GATAD1: variants seen among roughly 807,000 people sequenced by gnomAD.
GATAD1 encodes the protein GATA zinc finger domain containing 1.
GATAD1 carries 12 observed loss-of-function variants against 26.5 expected under a neutral mutation model. The observed-to-expected ratio is 0.45, with a 90% CI of 0.29 to 0.73. GATAD1 has a LOEUF of 0.73. Among genes scored for constraint, GATAD1 ranks in the 30% least tolerant of loss-of-function variants. GATAD1 has a pLI of 0.10. For missense variants in GATAD1, 266 were observed against 342.1 expected (o/e 0.78, Z 1.75); for synonymous variants, 129 against 133.1 (o/e 0.97, Z 0.21).
the GATAD1 span, among the ~76,000 whole-genome samples, chr7:92,484,872 C>T: frequency 1.3e-5 from 2 of 152,108 alleles, no homozygotes; most frequent in Non-Finnish European, 1.5e-5. Context: ...GAGAGTCCAC[C>T]AAACAGGCTT....
chr7:92,495,459 G>A, the GATAD1 span, among the ~76,000 whole-genome samples: 1 of 152,136 alleles, frequency 6.6e-6, no homozygotes, highest in Non-Finnish European at 1.5e-5. Flanking sequence ...TTTGATTTGT[G>A]TAAAGACTTC....
At chr7:92,491,575 ATAGC>A in the GATAD1 span, 1 of 873,276 alleles carries the variant, frequency 1.1e-6, no homozygotes, top group Non-Finnish European at 1.9e-6. Context: ...AATAACATAG[ATAGC>A]ATTCTATTAG....
At chr7:92,495,409 G>A in the GATAD1 span, among the ~76,000 whole-genome samples, 1 of 152,074 alleles carries the variant, frequency 6.6e-6, no homozygotes, top group Non-Finnish European at 1.5e-5. Flanking sequence ...TCTGCTACTT[G>A]AATGTTTGGC....
the GATAD1 span, chr7:92,471,108 A>G: frequency 1.2e-5 from 2 of 166,516 alleles, no homozygotes. Context: ...TATTTCATGA[A>G]CTAGTGCCTT....
the GATAD1 span, chr7:92,492,918 A>G: frequency 2.0e-4 from 306 of 1,544,642 alleles, 2 homozygotes; most frequent in African/African-American, 3.5e-3. Flanking sequence ...TTTATCACTC[A>G]TAAAATGTCA....
At chr7:92,467,613 G>A in the GATAD1 span, among the ~76,000 whole-genome samples, 1 of 152,222 alleles carries the variant, frequency 6.6e-6, no homozygotes, top group African/African-American at 2.4e-5. Context: ...AAGTCGCAAA[G>A]CTGAATTAAT....
the GATAD1 span, among the ~76,000 whole-genome samples, chr7:92,477,151 G>A: frequency 2.6e-5 from 4 of 152,244 alleles, no homozygotes; most frequent in East Asian, 1.9e-4. Context: ...TCGGCCCTCG[G>A]CTTCCCCAAG....
chr7:92,465,279 C>CA, the GATAD1 span: 1 of 152,244 alleles, frequency 6.6e-6, no homozygotes, highest in South Asian at 2.1e-4. Flanking sequence ...CATCCCTGCA[C>CA]ATGGCTGAAC....
At chr7:92,466,379 T>A in the GATAD1 span, among the ~76,000 whole-genome samples, 4 of 152,114 alleles carry the variant, frequency 2.6e-5, no homozygotes, top group African/African-American at 9.7e-5. Flanking sequence ...AGGCTAGTTC[T>A]CAAACTCCTG....
Position 92,448,848 on chromosome 7 carries a change from G to A in GATAD1, c.346G>A (p.Gly116Arg), listed in dbSNP as rs1439129712. Residue 116 changes from glycine (G) to arginine (R), a missense_variant, in exon 2 of 5, where the codon GGG becomes AGG. Gly to Arg is a moderately radical substitution (Grantham distance 125). Transcript: ENST00000287957. The part of the protein sequence containing the change: ...AEKKVSTKGK[G>R]RRHIFKLKNP... Reference sequence around the variant, plus strand: ...AAAGAAAGTCTCCACCAAAGGAAAAGGGAGAAGACATATATTTAAATTGAA... The same window carrying A: ...AAAGAAAGTCTCCACCAAAGGAAAAAGGAGAAGACATATATTTAAATTGAA... 2 of 1,611,482 alleles carry A rather than the reference G, an allele frequency of 1.2e-6. No homozygotes were observed. Among genetic ancestry groups the A allele is most frequent in the African/African-American group, 1.3e-5 (1 of 75,002 alleles).
the GATAD1 span, chr7:92,491,513 C>T: frequency 1.3e-6 from 2 of 1,489,264 alleles, no homozygotes; most frequent in Non-Finnish European, 9.4e-7. Flanking sequence ...CTAAAATACA[C>T]AAAAGGACAA....
At chr7:92,491,171 G>T in the GATAD1 span, 1 of 803,302 alleles carries the variant, frequency 1.2e-6, no homozygotes. Flanking sequence ...CAACCAACCA[G>T]GAAGAATATG....
At chr7:92,464,442 T>C (rs1180140140), downstream of GATAD1, among the ~76,000 whole-genome samples, 1 of 152,178 alleles carries the variant, frequency 6.6e-6, no homozygotes, top group Non-Finnish European at 1.5e-5. Flanking sequence ...TGGACAGCCA[T>C]ATTTTTGTGG....
At chr7:92,478,378 T>G in the GATAD1 span, among the ~76,000 whole-genome samples, 1 of 152,082 alleles carries the variant, frequency 6.6e-6, no homozygotes, top group Non-Finnish European at 1.5e-5. Context: ...AGAGGTGGTG[T>G]TGGAATGGAT....
the GATAD1 span, among the ~76,000 whole-genome samples, chr7:92,479,091 T>C: frequency 0.01 from 1,537 of 152,322 alleles, 11 homozygotes; most frequent in Middle Eastern, 0.041. Context: ...TCTCTCGGCT[T>C]GGAGCCCCCT....
At position 92,456,638 on chromosome 7, in the gene GATAD1, C is replaced by T. The variant is rs1453120737; in HGVS notation, c.*76C>T. The T allele has an allele frequency of 3.5e-6, 3 of 848,602 alleles. No individual in the cohort carries two copies. Among genetic ancestry groups the T allele is most frequent in the Non-Finnish European group, 5.6e-6 (3 of 539,998 alleles). The allele number at this position is 848,602 out of a possible 1,614,324, so 52.6% of individuals were successfully genotyped here. A position where few individuals can be genotyped will look rare whatever the true frequency, so the allele number is the denominator to read the frequency against. On this transcript the variant is annotated 3_prime_UTR_variant, in exon 5 of 5. Coordinates refer to ENST00000287957, the MANE Select transcript of GATAD1 (RefSeq NM_021167.5). The stretch of plus-strand genomic sequence containing the variant: ...TAGCCCCAGCTATTGCACCACTGCT[C>T]TCCAAGCTGGGCAATGGAGTCAGAT...
At chr7:92,494,677 G>A in the GATAD1 span, 1 of 1,562,086 alleles carries the variant, frequency 6.4e-7, no homozygotes, top group South Asian at 1.1e-5. Context: ...CTTCATAGTT[G>A]GCAAAGTGAT....
downstream of GATAD1, among the ~76,000 whole-genome samples, chr7:92,463,852 C>T (rs754403516): frequency 9.2e-5 from 14 of 151,614 alleles, no homozygotes; most frequent in Non-Finnish European, 1.8e-4. Context: ...GCCTGTAGTC[C>T]CAGCTGCTGG....
the GATAD1 span, chr7:92,473,314 A>T: frequency 2.3e-4 from 35 of 152,272 alleles, no homozygotes; most frequent in African/African-American, 8.4e-4. Flanking sequence ...GGAGTACTGC[A>T]GGGGTTACTG....
Sources: gnomAD v4.1 joint callset for allele counts (sites outside exome capture counted in the v4.1 genomes callset) on GRCh38, gnomAD v4.1.1 for gene constraint, MANE v1.5 for transcripts, NCBI Gene and HGNC (gene_info 2026-07-23, HGNC 2026-07-21) for gene names.